Variants in NEXN observed in about 807,000 individuals in gnomAD.
NEXN encodes the protein nexilin.
In NEXN, 65 loss-of-function variants were observed where a neutral mutation model predicts 92.6. The observed-to-expected ratio is 0.70, with a 90% CI of 0.57 to 0.86. The LOEUF (loss-of-function observed/expected upper bound fraction) is 0.86. NEXN is among the 40% of genes least tolerant of loss of function. The pLI, the probability that NEXN is intolerant of heterozygous loss-of-function variation, is 0.00. For synonymous variants in NEXN, 254 were observed against 242.5 expected (o/e 1.05, Z -0.44); for missense variants, 778 against 771.1 (o/e 1.01, Z -0.11).
At chr1:77,935,659 CT>C (rs200823109) in intron 10 of NEXN, among the ~76,000 whole-genome samples, 163 bp from the exon 11 acceptor site, 4 of 149,606 alleles carry the variant, frequency 2.7e-5, no homozygotes, top group African/African-American at 2.4e-5. Context: ...GATATTCAAT[CT>C]TTTTTTTTTG....
intron 2 of NEXN, 80 bp downstream of exon 2, chr1:77,916,213 G>T: frequency 9.1e-7 from 1 of 1,097,720 alleles, no homozygotes; most frequent in South Asian, 1.3e-5. Context: ...ACAGTCATTT[G>T]GTGGAAAGGT....
chr1:77,895,029 ATTTTTTTTTTTTTTTTTTT>A (rs559226754), intron 1 of NEXN, among the ~76,000 whole-genome samples: 126 of 61,674 alleles, frequency 2.0e-3, no homozygotes, highest in Non-Finnish European at 3.0e-3. Flanking sequence ...CTATAGTGTA[ATTTTTTTTTTTTTTTTTTT>A]TTTTTTTTTT....
At chr1:77,899,329 T>C (rs1285420448) in intron 1 of NEXN, among the ~76,000 whole-genome samples, 4 of 151,820 alleles carry the variant, frequency 2.6e-5, no homozygotes, top group Admixed American at 2.6e-4. Flanking sequence ...TATGCAGCCA[T>C]AAAAAATGAT....
At chr1:77,938,256 C>A (rs1650945078) in intron 11 of NEXN, among the ~76,000 whole-genome samples, 1 of 152,158 alleles carries the variant, frequency 6.6e-6, no homozygotes, top group Admixed American at 6.5e-5. Context: ...CAAAAGCAAA[C>A]ACCATTTCTA....
At chr1:77,925,289 C>CT in intron 6 of NEXN, 60 bp downstream of exon 6, 1 of 1,169,044 alleles carries the variant, frequency 8.6e-7, no homozygotes, top group Non-Finnish European at 1.3e-6. Flanking sequence ...CACAAATTAT[C>CT]TTTTAGTATA....
intron 1 of NEXN, among the ~76,000 whole-genome samples, chr1:77,892,168 A>G (rs963317332): frequency 2.0e-5 from 3 of 152,152 alleles, no homozygotes; most frequent in Non-Finnish European, 4.4e-5. Context: ...TCCTCTCTTA[A>G]AAATTGGAAA....
At chr1:77,903,225 G>T (rs1031158622) in intron 1 of NEXN, among the ~76,000 whole-genome samples, 16 of 135,916 alleles carry the variant, frequency 1.2e-4, no homozygotes, top group Admixed American at 8.2e-4. Context: ...CATAAGAAAT[G>T]AAAAAAAAAA....
chr1:77,926,684 C>T, intron 7 of NEXN, 32 bp from the exon 8 acceptor site: 2 of 1,613,690 alleles, frequency 1.2e-6, no homozygotes, highest in Non-Finnish European at 1.7e-6. Context: ...TCCTTTATGA[C>T]TAAAAGGTGG....
chr1:77,904,638 A>G (rs900317864), intron 1 of NEXN, among the ~76,000 whole-genome samples: 2 of 152,210 alleles, frequency 1.3e-5, no homozygotes, highest in African/African-American at 4.8e-5. Context: ...GGGAGCGTAG[A>G]GTCTACCATG....
At chr1:77,899,481 G>C (rs1176728202) in intron 1 of NEXN, among the ~76,000 whole-genome samples, 2 of 152,066 alleles carry the variant, frequency 1.3e-5, no homozygotes, top group Admixed American at 1.3e-4. Context: ...ACACAGAAAG[G>C]GGAACATCAC....
intron 5 of NEXN, among the ~76,000 whole-genome samples, chr1:77,918,668 GAAAAAAA>G (rs376219706): frequency 2.6e-5 from 2 of 77,168 alleles, no homozygotes; most frequent in Non-Finnish European, 5.4e-5. Context: ...CTATCTCAAA[GAAAAAAA>G]AAAAAAAAAA....
At chr1:77,891,809 G>A (rs531873245) in intron 1 of NEXN, among the ~76,000 whole-genome samples, 41 of 151,362 alleles carry the variant, frequency 2.7e-4, no homozygotes, top group Admixed American at 1.3e-3. Context: ...TGGGTGTGGT[G>A]GCTCATGCCT....
chr1:77,894,132 T>C (rs545556758), intron 1 of NEXN, among the ~76,000 whole-genome samples: 1 of 152,218 alleles, frequency 6.6e-6, no homozygotes, highest in Non-Finnish European at 1.5e-5. Flanking sequence ...CCTTTTTGTA[T>C]TTTTAGTAGA....
chr1:77,895,029 ATTTTTTTTTT>A (rs559226754), intron 1 of NEXN, among the ~76,000 whole-genome samples: 29 of 61,650 alleles, frequency 4.7e-4, no homozygotes, highest in African/African-American at 1.6e-3. Flanking sequence ...CTATAGTGTA[ATTTTTTTTTT>A]TTTTTTTTTT....
intron 11 of NEXN, among the ~76,000 whole-genome samples, chr1:77,937,329 C>G (rs1650852253): frequency 6.6e-6 from 1 of 151,584 alleles, no homozygotes; most frequent in African/African-American, 2.4e-5. Context: ...TGGATATTGT[C>G]AGACAGATAT....
At chr1:77,913,779 C>T (rs1046710704) in intron 1 of NEXN, among the ~76,000 whole-genome samples, 1 of 152,132 alleles carries the variant, frequency 6.6e-6, no homozygotes, top group African/African-American at 2.4e-5. Context: ...CCACAAGAAC[C>T]TGCATACAGA....
chr1:77,942,381 AT>A (rs1245665203), intron 12 of NEXN, 79 bp from the exon 13 acceptor site: 1 of 1,512,850 alleles, frequency 6.6e-7, no homozygotes, highest in East Asian at 2.3e-5. Flanking sequence ...AAAAAAAAAA[AT>A]TTCATTTCAA....
rs397517851 is a variant in NEXN at position 77,942,553 on chromosome 1, CAAG to C, written c.1756_1758del (p.Lys586del). The stretch of plus-strand genomic sequence containing the variant: ...AAACCAGATCAGGAGCTCCATGGTT[CAAG>C]AAGCCTCTTAAAAACACATCAGTTG... On this transcript the variant is annotated inframe_deletion, in exon 13 of 13. Transcript: ENST00000334785. 5.6e-6 allele frequency: 9 copies of C among 1,613,866 alleles called. No individual in the cohort carries two copies. Among genetic ancestry groups the C allele is most frequent in the Non-Finnish European group, 7.6e-6 (9 of 1,179,822 alleles).
chr1:77,917,531 G>A (rs765622830), intron 2 of NEXN, 35 bp from the exon 3 acceptor site: 13 of 1,500,926 alleles, frequency 8.7e-6, no homozygotes, highest in Middle Eastern at 1.7e-4. Context: ...TATCTTTTTC[G>A]TTAACTTTCT....
Sources: allele counts gnomAD v4.1 joint callset (sites outside exome capture counted in the v4.1 genomes callset), GRCh38; gene constraint gnomAD v4.1.1; transcripts MANE v1.5; gene names NCBI Gene and HGNC (gene_info 2026-07-23, HGNC 2026-07-21).